Variants in HIVEP3 observed in about 807,000 individuals in gnomAD.
HIVEP3 encodes the protein HIVEP zinc finger 3.
In HIVEP3, 49 loss-of-function variants were observed where a neutral mutation model predicts 152.8. The observed-to-expected ratio is 0.32, with a 90% CI of 0.26 to 0.41. HIVEP3 has a LOEUF of 0.41. HIVEP3 is among the 10% of genes least tolerant of loss of function. HIVEP3 has a pLI of 1.00. For synonymous variants in HIVEP3, 1,269 were observed against 1,289.0 expected, an observed-to-expected ratio of 0.98 and a Z score of 0.33; for missense variants, 2,790 against 3,103.3, an observed-to-expected ratio of 0.90 and a Z score of 2.40.
intron 3 of HIVEP3, among the ~76,000 whole-genome samples, chr1:41,601,575 CT>C (rs754738367): frequency 1.3e-5 from 2 of 152,102 alleles, no homozygotes; most frequent in Non-Finnish European, 2.9e-5. Flanking sequence ...AGAAATGCCA[CT>C]GATTTTTGTA....
At chr1:41,820,342 A>G (rs1642556165) in intron 1 of HIVEP3, among the ~76,000 whole-genome samples, 1 of 152,220 alleles carries the variant, frequency 6.6e-6, no homozygotes, top group Admixed American at 6.5e-5. Context: ...TTTTATCCCC[A>G]GAATGACCAT....
chr1:41,533,806 TCG>T lies in HIVEP3; in HGVS notation c.5208-8898_5208-8897del, dbSNP rs976438774. ...CTGATGGCCCCCAGCCACTTCTCTC[TCG>T]AGTTCCGATGCCTTTGCTATACATC... On this transcript the variant is annotated intron_variant, in intron 5 of 8. Transcript: ENST00000372583. This position sits in a 1 kb window ranked among gnomAD's most constrained non-coding sequence, Gnocchi z 4.3. Among the ~76,000 whole-genome samples, 23 of 152,108 alleles carry T rather than the reference TCG, an allele frequency of 1.5e-4. No homozygotes were observed. Among genetic ancestry groups the T allele is most frequent in the African/African-American group, 5.5e-4 (23 of 41,508 alleles).
intron 3 of HIVEP3, among the ~76,000 whole-genome samples, chr1:41,608,890 G>A (rs1374239347): frequency 2.1e-5 from 3 of 145,062 alleles, no homozygotes; most frequent in Non-Finnish European, 4.4e-5. Flanking sequence ...TGACCACATG[G>A]TGAAACCCTG....
intron 1 of HIVEP3, among the ~76,000 whole-genome samples, chr1:41,774,900 A>T (rs1648598396): frequency 6.6e-6 from 1 of 151,924 alleles, no homozygotes; most frequent in South Asian, 2.1e-4. Flanking sequence ...GACTCAAGTG[A>T]TCCTCCCACC....
intron 2 of HIVEP3, among the ~76,000 whole-genome samples, chr1:41,671,185 G>A (rs1408876492): frequency 6.6e-6 from 1 of 152,312 alleles, no homozygotes; most frequent in Non-Finnish European, 1.5e-5. Flanking sequence ...AGCACCACAG[G>A]TAGACTGTAG....
intron 5 of HIVEP3, among the ~76,000 whole-genome samples, chr1:41,545,029 C>T (rs796605617): frequency 7.7e-5 from 9 of 116,314 alleles, no homozygotes; most frequent in African/African-American, 1.2e-4. Context: ...ACCACCACCA[C>T]CACCACCAAT....
At position 42,023,984 on chromosome 1, in the gene HIVEP3, G is replaced by A. The variant is rs72953224; in HGVS notation, n.119+11823C>T. Among the ~76,000 whole-genome samples, 953 of 152,270 alleles carry A rather than the reference G, an allele frequency of 6.3e-3. 9 individuals carry two copies. The highest frequency in any genetic ancestry group is 0.022 in the African/African-American group (916 of 41,550). On this transcript the variant is annotated intron_variant and non_coding_transcript_variant, in intron 1 of 3. Transcript: ENST00000489103. ...TAAATCCAGAGTCTGTAAATGTAAA[G>A]TAGTGTTTTTGGGCTTTCTACTTCG...
chr1:41,588,166 T>C (rs1199821661), intron 3 of HIVEP3, among the ~76,000 whole-genome samples: 1 of 152,196 alleles, frequency 6.6e-6, no homozygotes, highest in African/African-American at 2.4e-5. Flanking sequence ...AGAACTGCTC[T>C]TTGGGCTGGG....
chr1:41,509,149 G>A lies in HIVEP3; in HGVS notation c.*1302C>T, dbSNP rs1040027407. The A allele has an allele frequency of 6.6e-6, 1 of 152,170 alleles. No homozygotes were observed. Among genetic ancestry groups the A allele is most frequent in the African/African-American group, 2.4e-5 (1 of 41,432 alleles). The allele number at this position is 152,170 out of a possible 1,614,324, so 9.4% of individuals were successfully genotyped here. A position where few individuals can be genotyped will look rare whatever the true frequency, so the allele number is the denominator to read the frequency against. On this transcript the variant is annotated 3_prime_UTR_variant, in exon 9 of 9. Transcript: ENST00000372583. ...GCTTTGGAGAATTCCAACGAGTTAGGACAATTCAAAAATCCTCTAGGTCAA... is the reference window on the plus strand; with the variant it reads ...GCTTTGGAGAATTCCAACGAGTTAGAACAATTCAAAAATCCTCTAGGTCAA...
At chr1:42,032,256 CA>C (rs1175897273) in intron 1 of HIVEP3, among the ~76,000 whole-genome samples, 3 of 152,198 alleles carry the variant, frequency 2.0e-5, no homozygotes, top group Non-Finnish European at 4.4e-5. Context: ...CTCCCAGTTC[CA>C]ATTCTGTATT....
chr1:41,925,385 T>C (rs2124477136), intron 1 of HIVEP3, among the ~76,000 whole-genome samples: 1 of 152,310 alleles, frequency 6.6e-6, no homozygotes, highest in South Asian at 2.1e-4. Flanking sequence ...GTATTATATA[T>C]TGTATACTGA....
intron 3 of HIVEP3, among the ~76,000 whole-genome samples, chr1:41,595,469 A>C (rs1644651557): frequency 6.6e-6 from 1 of 152,170 alleles, no homozygotes; most frequent in Non-Finnish European, 1.5e-5. Context: ...ACATGCCGAG[A>C]AAGGAGTCTG....
chr1:41,838,504 T>A (rs1477588670), intron 1 of HIVEP3, among the ~76,000 whole-genome samples: 2 of 152,170 alleles, frequency 1.3e-5, no homozygotes, highest in Non-Finnish European at 2.9e-5. Flanking sequence ...GCCTCGGATC[T>A]GGCCTCCCCT....
intron 5 of HIVEP3, among the ~76,000 whole-genome samples, chr1:41,568,546 G>C (rs536450180): frequency 9.2e-5 from 14 of 152,348 alleles, no homozygotes; most frequent in African/African-American, 3.4e-4. Flanking sequence ...GTTGGGCTGA[G>C]AACGGACCAC....
intron 1 of HIVEP3, among the ~76,000 whole-genome samples, chr1:41,814,190 G>A (rs998096989): frequency 6.6e-6 from 1 of 152,214 alleles, no homozygotes; most frequent in Non-Finnish European, 1.5e-5. Context: ...AGTACGTCAT[G>A]TCTGTGAGGC....
chr1:41,688,782 C>T (rs888601166), intron 2 of HIVEP3, among the ~76,000 whole-genome samples: 4 of 152,166 alleles, frequency 2.6e-5, no homozygotes, highest in Non-Finnish European at 4.4e-5. Flanking sequence ...CGGCACCATG[C>T]TCCAGACATC....
intron 2 of HIVEP3, among the ~76,000 whole-genome samples, chr1:41,634,005 G>C (rs1355198668): frequency 6.6e-6 from 1 of 152,090 alleles, no homozygotes; most frequent in East Asian, 1.9e-4. Context: ...CAACAGGGCA[G>C]ACCTCCGAGC....
In HIVEP3 at chr1:41,511,048, T is replaced by C. The variant is rs1569646913; in HGVS notation, c.6624A>G (p.Gly2208=). The change falls in exon 9 of 9, where the codon GGA becomes GGG. Residue 2208 remains glycine (G), a synonymous_variant. Coordinates refer to ENST00000372583, the MANE Select transcript of HIVEP3 (RefSeq NM_024503.5). This position sits in a 1 kb window ranked among gnomAD's most constrained non-coding sequence, Gnocchi z 4.9. ...GCCCTGGCAGCAGGGTGGGGTGGGC[T>C]CCTGGCCGGGCCTGCACCATCTGGA... ...GGIQMVQARP[G]AHPTLLPGPT... The C allele has an allele frequency of 6.2e-7, 1 of 1,613,730 alleles. No individual in the cohort carries two copies. Among genetic ancestry groups the C allele is most frequent in the East Asian group, 2.2e-5 (1 of 44,844 alleles).
chr1:41,850,089 G>T (rs1482642789), intron 1 of HIVEP3, among the ~76,000 whole-genome samples: 1 of 152,190 alleles, frequency 6.6e-6, no homozygotes, highest in Non-Finnish European at 1.5e-5. Context: ...CAGAGTTTTG[G>T]TTACACTCCT....
Sources: allele counts gnomAD v4.1 joint callset (sites outside exome capture counted in the v4.1 genomes callset), GRCh38; gene constraint gnomAD v4.1.1; non-coding constraint Gnocchi (gnomAD v3.1); transcripts MANE v1.5; gene names NCBI Gene and HGNC (gene_info 2026-07-23, HGNC 2026-07-21).